MYPN: variants seen among roughly 807,000 people sequenced by gnomAD.
MYPN encodes sarcomeric protein myopalladin, 145 kDa (MYOP).
A neutral mutation model predicts 129.4 loss-of-function variants in MYPN; 63 were observed. That is an observed-to-expected ratio of 0.49 (90% CI 0.40 to 0.60). MYPN has a LOEUF of 0.60. Among genes scored for constraint, MYPN ranks in the 20% least tolerant of loss-of-function variants. The probability of loss-of-function intolerance (pLI) is 0.00; values close to 1 mark genes in which losing one functional copy is unlikely to be tolerated. For synonymous variants in MYPN, 629 were observed against 600.9 expected, an observed-to-expected ratio of 1.05 and a Z score of -0.68; for missense variants, 1,596 against 1,635.4, an observed-to-expected ratio of 0.98 and a Z score of 0.42.
upstream of MYPN, among the ~76,000 whole-genome samples, chr10:68,102,621 T>A (rs761836816): frequency 2.0e-5 from 3 of 152,230 alleles, no homozygotes; most frequent in Non-Finnish European, 4.4e-5. Flanking sequence ...ATGGCTCTAT[T>A]GTTTTGCATT....
chr10:68,110,004 C>G (rs2042059708), intron 1 of MYPN, among the ~76,000 whole-genome samples: 1 of 152,142 alleles, frequency 6.6e-6, no homozygotes, highest in African/African-American at 2.4e-5. Flanking sequence ...ATCTCATTGG[C>G]ATTTTCCACA....
chr10:68,158,960 G>C (rs1395789651), intron 7 of MYPN, among the ~76,000 whole-genome samples: 2 of 151,558 alleles, frequency 1.3e-5, no homozygotes, highest in Non-Finnish European at 2.9e-5. Context: ...GAGTGCAGTG[G>C]CACGATCTTG....
chr10:68,101,079 A>C (rs184614572), intron 1 of MYPN, among the ~76,000 whole-genome samples: 2 of 152,308 alleles, frequency 1.3e-5, no homozygotes, highest in Admixed American at 1.3e-4. Context: ...TTATGTGCCT[A>C]CTTTGTGTCA....
chr10:68,170,595 A>C (rs959391856), intron 10 of MYPN, among the ~76,000 whole-genome samples: 8 of 152,186 alleles, frequency 5.3e-5, no homozygotes, highest in Non-Finnish European at 8.8e-5. Context: ...TCATATGGAA[A>C]ATAGAGATAA....
chr10:68,132,261 T>C (rs764903893), intron 2 of MYPN, among the ~76,000 whole-genome samples: 4 of 152,192 alleles, frequency 2.6e-5, no homozygotes, highest in Non-Finnish European at 5.9e-5. Context: ...CATGTGTTTT[T>C]CCCCTTTACT....
At chr10:68,182,447 T>TAC (rs1302985083) in intron 12 of MYPN, among the ~76,000 whole-genome samples, 3 of 100,070 alleles carry the variant, frequency 3.0e-5, no homozygotes, top group East Asian at 1.0e-3. Context: ...ATAACATATA[T>TAC]ATAACATATA....
chr10:68,203,710 C>G (rs200028674), intron 18 of MYPN, among the ~76,000 whole-genome samples: 1 of 66,878 alleles, frequency 1.5e-5, no homozygotes, highest in Non-Finnish European at 3.4e-5. Context: ...CACACACACA[C>G]ATACACACAC....
At chr10:68,194,916 A>G (rs1473678763) in intron 14 of MYPN, among the ~76,000 whole-genome samples, 1 of 152,230 alleles carries the variant, frequency 6.6e-6, no homozygotes, top group Admixed American at 6.5e-5. Context: ...ATATCCCTCA[A>G]ACTCATAGTG....
Position 68,156,625 on chromosome 10 carries a change from C to G in MYPN, c.1318-1861C>G, listed in dbSNP as rs138887402. ...CCTGAGGTGAAAGTCTCTTACACAGCTAATGCTATGTGGTTTTCCCCAGCC... is the reference window on the plus strand; with the variant it reads ...CCTGAGGTGAAAGTCTCTTACACAGGTAATGCTATGTGGTTTTCCCCAGCC... On this transcript the variant is annotated intron_variant, in intron 6 of 19. Coordinates refer to ENST00000358913, the MANE Select transcript of MYPN (RefSeq NM_032578.4). Among the ~76,000 whole-genome samples, 139 of 152,296 alleles carry G rather than the reference C, an allele frequency of 9.1e-4. 1 individual carries two copies. The highest frequency in any genetic ancestry group is 3.2e-3 in the African/African-American group (133 of 41,564).
chr10:68,093,626 G>A (rs1410523928), intron 1 of MYPN, among the ~76,000 whole-genome samples: 2 of 151,300 alleles, frequency 1.3e-5, no homozygotes, highest in Non-Finnish European at 3.0e-5. Context: ...GTGTGGTGGC[G>A]GGTGCCTGTA....
intron 2 of MYPN, among the ~76,000 whole-genome samples, chr10:68,128,803 G>T (rs2042365073): frequency 6.6e-6 from 1 of 152,158 alleles, no homozygotes; most frequent in African/African-American, 2.4e-5. Context: ...GGCTGGCAAA[G>T]TAGTCTGTGG....
chr10:68,195,538 G>T lies in MYPN; in HGVS notation c.3158+6G>T, dbSNP rs368175014. ...TCTGCTGGTCAGTCTCACAGGTAAAGACAGTAAGAATTCCCCCTCTCTAGG... is the reference window on the plus strand; with the variant it reads ...TCTGCTGGTCAGTCTCACAGGTAAATACAGTAAGAATTCCCCCTCTCTAGG... On this transcript the variant is annotated splice_donor_region_variant and intron_variant, in intron 15 of 19. Coordinates refer to ENST00000358913, the MANE Select transcript of MYPN (RefSeq NM_032578.4). 11 of 1,613,294 alleles carry T rather than the reference G, an allele frequency of 6.8e-6. No individual in the cohort carries two copies. The highest frequency in any genetic ancestry group is 5.3e-5 in the African/African-American group (4 of 75,012).
chr10:68,182,893 T>C (rs761412697), intron 12 of MYPN, among the ~76,000 whole-genome samples: 25 of 152,342 alleles, frequency 1.6e-4, no homozygotes, highest in Non-Finnish European at 2.9e-4. Flanking sequence ...AATAAATTTA[T>C]AGCCAAGTGT....
chr10:68,206,683 G>C, intron 18 of MYPN, 87 bp from the exon 19 acceptor site: 3 of 1,576,830 alleles, frequency 1.9e-6, no homozygotes, highest in Non-Finnish European at 2.6e-6. Flanking sequence ...CTTAAGCTGA[G>C]TTCCCCCTTC....
intron 3 of MYPN, among the ~76,000 whole-genome samples, chr10:68,143,399 T>C (rs556962939): frequency 2.0e-5 from 3 of 151,930 alleles, no homozygotes; most frequent in Admixed American, 1.3e-4. Context: ...ATAGGAATGG[T>C]GTATGTATGA....
At chr10:68,207,706 C>T (rs1230660759) in intron 19 of MYPN, among the ~76,000 whole-genome samples, 1 of 152,106 alleles carries the variant, frequency 6.6e-6, no homozygotes, top group African/African-American at 2.4e-5. Context: ...ACATAGGCTC[C>T]CCTCTCTCGT....
At position 68,164,559 on chromosome 10, in the gene MYPN, C is replaced by A. The variant is rs980151091; in HGVS notation, c.1484-1143C>A. 6.6e-5 allele frequency among the ~76,000 whole-genome samples: 10 copies of A among 152,212 alleles called. 1 individual carries two copies. The highest frequency in any genetic ancestry group is 4.6e-4 in the Admixed American group (7 of 15,284). On this transcript the variant is annotated intron_variant, in intron 8 of 19. Coordinates refer to ENST00000358913, the MANE Select transcript of MYPN (RefSeq NM_032578.4). Reference sequence around the variant, plus strand: ...TTAATTCAATTCAATTATCATGAAGCACTGAGATGCCTGCCAAGTTTCTCC... The same window carrying A: ...TTAATTCAATTCAATTATCATGAAGAACTGAGATGCCTGCCAAGTTTCTCC...
At chr10:68,092,281 G>C (rs2041934707) in intron 1 of MYPN, among the ~76,000 whole-genome samples, 1 of 152,098 alleles carries the variant, frequency 6.6e-6, no homozygotes, top group African/African-American at 2.4e-5. Flanking sequence ...GATCATCTGA[G>C]GTCAGGAGTT....
chr10:68,202,020 G>T (rs1423635910), intron 18 of MYPN, 26 bp downstream of exon 18: 11 of 1,613,510 alleles, frequency 6.8e-6, no homozygotes, highest in Non-Finnish European at 9.3e-6. Context: ...CATCCAGAGG[G>T]ACTCCCACTC....
Sources: gnomAD v4.1 joint callset for allele counts (sites outside exome capture counted in the v4.1 genomes callset) on GRCh38, gnomAD v4.1.1 for gene constraint, MANE v1.5 for transcripts, NCBI Gene and HGNC (gene_info 2026-07-23, HGNC 2026-07-21) for gene names.